The following NKAIN2 variants were observed in gnomAD, a reference collection of about 807,000 sequenced individuals.
NKAIN2 encodes sodium/potassium transporting ATPase interacting 2, also known as sodium/potassium-transporting ATPase subunit beta-1-interacting protein 2.
NKAIN2 carries 14 observed loss-of-function variants against 32.6 expected under a neutral mutation model. The observed-to-expected ratio is 0.43, with a 90% confidence interval of 0.28 to 0.67. NKAIN2 has a LOEUF of 0.67. Ranked by LOEUF, NKAIN2 falls within the 30% of genes least tolerant of loss-of-function variation. The probability of loss-of-function intolerance (pLI) is 0.17; values close to 1 mark genes in which losing one functional copy is unlikely to be tolerated. For synonymous variants in NKAIN2, 80 were observed against 87.2 expected (o/e 0.92, Z 0.46); for missense variants, 198 against 258.3 (o/e 0.77, Z 1.60).
chr6:124,419,323 T>C (rs962896277), intron 3 of NKAIN2, among the ~76,000 whole-genome samples: 1 of 152,174 alleles, frequency 6.6e-6, no homozygotes, highest in African/African-American at 2.4e-5. Flanking sequence ...CTCTGAAGTC[T>C]CATCTGATCA....
rs144349286 is a variant in NKAIN2, at chr6:123,915,762, G to A, written c.54+111508G>A. Among the ~76,000 whole-genome samples the A allele has an allele frequency of 2.5e-3, 374 of 152,190 alleles. 7 individuals are homozygous for A. The highest frequency in any genetic ancestry group is 1.5e-3 in the Non-Finnish European group (103 of 67,988). On this transcript the variant is annotated intron_variant, in intron 1 of 6. Coordinates refer to ENST00000368417, the MANE Select transcript of NKAIN2 (RefSeq NM_001040214.3). Reference sequence around the variant, plus strand: ...AATTCTCTTGTGTGTCTCCGTGTATGTAAGATTTGGTAAAAGTTTAGAGCT... The same window carrying A: ...AATTCTCTTGTGTGTCTCCGTGTATATAAGATTTGGTAAAAGTTTAGAGCT...
intron 2 of NKAIN2, among the ~76,000 whole-genome samples, chr6:124,352,778 C>T (rs971559903): frequency 6.6e-6 from 1 of 152,142 alleles, no homozygotes; most frequent in African/African-American, 2.4e-5. Flanking sequence ...TTAAATGTCT[C>T]CTTAGATCTC....
chr6:124,345,316 A>T (rs1042970481), intron 2 of NKAIN2, among the ~76,000 whole-genome samples: 6 of 152,090 alleles, frequency 3.9e-5, no homozygotes, highest in African/African-American at 1.4e-4. Flanking sequence ...TGTCTCTGCC[A>T]GTCTTTGGTA....
intron 2 of NKAIN2, among the ~76,000 whole-genome samples, chr6:124,335,556 T>G (rs1423043847): frequency 1.3e-5 from 2 of 152,176 alleles, no homozygotes; most frequent in Non-Finnish European, 2.9e-5. Context: ...GGAAACCACT[T>G]ATTTTTCCAA....
chr6:123,806,263 A>G (rs1342389857), intron 1 of NKAIN2, among the ~76,000 whole-genome samples: 8 of 152,108 alleles, frequency 5.3e-5, no homozygotes, highest in Non-Finnish European at 1.2e-4. Context: ...TGTACATTGG[A>G]ATCCTAAGGA....
chr6:124,023,742 A>G (rs1189557029), intron 1 of NKAIN2, among the ~76,000 whole-genome samples: 1 of 152,142 alleles, frequency 6.6e-6, no homozygotes, highest in Non-Finnish European at 1.5e-5. Context: ...TTTGCCAAGC[A>G]CTGTGTTTTT....
chr6:124,749,777 T>G (rs1777628045), intron 4 of NKAIN2, among the ~76,000 whole-genome samples: 1 of 151,966 alleles, frequency 6.6e-6, no homozygotes, highest in Non-Finnish European at 1.5e-5. Context: ...ACTATAATAT[T>G]AAATCCCATT....
At chr6:124,480,079 A>G (rs2114697082) in intron 3 of NKAIN2, among the ~76,000 whole-genome samples, 1 of 152,334 alleles carries the variant, frequency 6.6e-6, no homozygotes, top group Middle Eastern at 3.4e-3. Context: ...TTTTGGGACC[A>G]TCCCCCACCT....
At chr6:124,421,009 T>G (rs907095413) in intron 3 of NKAIN2, among the ~76,000 whole-genome samples, 1 of 151,374 alleles carries the variant, frequency 6.6e-6, no homozygotes, top group Non-Finnish European at 1.5e-5. Flanking sequence ...TCATTAGAAG[T>G]TTAGCCACGA....
intron 1 of NKAIN2, among the ~76,000 whole-genome samples, chr6:123,968,491 T>A (rs1278641059): frequency 6.6e-6 from 1 of 152,230 alleles, no homozygotes; most frequent in African/African-American, 2.4e-5. Context: ...ATACATTTAA[T>A]GTTTTGTATC....
At chr6:123,878,865 A>AC (rs2114317632) in intron 1 of NKAIN2, among the ~76,000 whole-genome samples, 1 of 152,090 alleles carries the variant, frequency 6.6e-6, no homozygotes, top group South Asian at 2.1e-4. Flanking sequence ...AGCCTTGCCT[A>AC]CCTGGTGGCA....
chr6:123,845,528 A>G (rs1775051567), intron 1 of NKAIN2, among the ~76,000 whole-genome samples: 1 of 152,338 alleles, frequency 6.6e-6, no homozygotes. Context: ...GATTTTTATT[A>G]TACAGTTGAC....
intron 3 of NKAIN2, among the ~76,000 whole-genome samples, chr6:124,413,053 T>C (rs1426682697): frequency 6.6e-6 from 1 of 152,172 alleles, no homozygotes; most frequent in Non-Finnish European, 1.5e-5. Flanking sequence ...AGTGACCCGA[T>C]TTTCCAGGTG....
intron 4 of NKAIN2, among the ~76,000 whole-genome samples, chr6:124,718,735 T>C (rs1415761): frequency 0.48 from 72,410 of 151,866 alleles, 17,590 homozygotes; most frequent in African/African-American, 0.54. Flanking sequence ...ATTTGCAACA[T>C]GTGCTGGCAG....
intron 3 of NKAIN2, among the ~76,000 whole-genome samples, chr6:124,460,306 T>A (rs1776482370): frequency 6.6e-6 from 1 of 151,850 alleles, no homozygotes; most frequent in South Asian, 2.1e-4. Context: ...TTATTTACAT[T>A]AATCTATAAA....
Position 124,482,453 on chromosome 6 carries a change from A to G in NKAIN2, c.273+127106A>G, listed in dbSNP as rs111691974. On this transcript the variant is annotated intron_variant, in intron 3 of 6. Coordinates refer to ENST00000368417, the MANE Select transcript of NKAIN2 (RefSeq NM_001040214.3). ...GCAAACATGAACTCAGCCAAAGTGT[A>G]GACCACAAAAGTCATGCCTCTCCAT... Among the ~76,000 whole-genome samples, 704 of 152,322 alleles carry G rather than the reference A, an allele frequency of 4.6e-3. 4 individuals are homozygous for G. Among genetic ancestry groups the G allele is most frequent in the South Asian group, 0.016 (76 of 4,830 alleles).
intron 4 of NKAIN2, among the ~76,000 whole-genome samples, chr6:124,773,780 G>T (rs1778864142): frequency 6.6e-6 from 1 of 152,174 alleles, no homozygotes; most frequent in Non-Finnish European, 1.5e-5. Flanking sequence ...TTAGTAGTGT[G>T]AGTGCCAAGA....
At chr6:124,413,992 T>A (rs1291283540) in intron 3 of NKAIN2, among the ~76,000 whole-genome samples, 1 of 151,504 alleles carries the variant, frequency 6.6e-6, no homozygotes, top group African/African-American at 2.4e-5. Context: ...TTTACTTTTT[T>A]CTGTTGAACC....
At chr6:123,861,131 T>A (rs1181559025) in intron 1 of NKAIN2, among the ~76,000 whole-genome samples, 1 of 152,196 alleles carries the variant, frequency 6.6e-6, no homozygotes, top group East Asian at 1.9e-4. Context: ...GGGCAGATAA[T>A]GGCTTCCAAT....
Sources: gnomAD v4.1 joint callset for allele counts (sites outside exome capture counted in the v4.1 genomes callset) on GRCh38, gnomAD v4.1.1 for gene constraint, MANE v1.5 for transcripts, NCBI Gene and HGNC (gene_info 2026-07-23, HGNC 2026-07-21) for gene names.